Variants in GART observed in about 807,000 individuals in gnomAD.
GART encodes trifunctional purine biosynthetic protein adenosine-3.
In GART, 43 loss-of-function variants were observed where a neutral mutation model predicts 107.2. The ratio of observed to expected loss-of-function variants is 0.40; its 90% CI spans 0.31 to 0.52. GART has a LOEUF of 0.52. Ranked by LOEUF, GART falls within the 20% of genes least tolerant of loss-of-function variation. GART has a pLI of 0.52. For missense variants in GART, 1,107 were observed against 1,206.5 expected, an observed-to-expected ratio of 0.92 and a Z score of 1.22; for synonymous variants, 434 against 427.0, an observed-to-expected ratio of 1.02 and a Z score of -0.20.
At position 33,532,397 on chromosome 21, in the gene GART, A is replaced by G; in HGVS notation, c.476T>C (p.Ile159Thr). 2 of 1,614,142 alleles carry G rather than the reference A, an allele frequency of 1.2e-6. No individual in the cohort carries two copies. Among genetic ancestry groups the G allele is most frequent in the Non-Finnish European group, 1.7e-6 (2 of 1,180,030 alleles). The change falls in exon 5 of 22, where the codon ATT becomes ACT. Residue 159 changes from isoleucine to threonine, a missense_variant. Transcript: ENST00000381815. ...GGCCTCTTCTTTGCTCTTTGCAACA[A>G]TCACCCCTTTTCCAGCTGCAAGACC... Reference protein sequence around the residue: ...ASGLAAGKGVIVAKSKEEACK... With the variant: ...ASGLAAGKGVTVAKSKEEACK...
At chr21:33,516,020 G>C (rs916757678) in intron 16 of GART, among the ~76,000 whole-genome samples, 15 of 151,986 alleles carry the variant, frequency 9.9e-5, no homozygotes, top group African/African-American at 3.6e-4. Context: ...GGCTGAGGCG[G>C]GCGGATCACT....
chr21:33,515,710 G>C (rs968641884), intron 16 of GART, among the ~76,000 whole-genome samples: 1 of 151,200 alleles, frequency 6.6e-6, no homozygotes, highest in African/African-American at 2.4e-5. Context: ...CACAGGGAGG[G>C]AGGACTCTGT....
intron 1 of GART, among the ~76,000 whole-genome samples, chr21:33,541,329 T>C (rs2085417362): frequency 6.6e-6 from 1 of 152,166 alleles, no homozygotes; most frequent in African/African-American, 2.4e-5. Flanking sequence ...GTATTTTTAG[T>C]AGCGACGGGG....
intron 2 of GART, among the ~76,000 whole-genome samples, chr21:33,535,749 G>C (rs896815254): frequency 6.6e-6 from 1 of 152,104 alleles, no homozygotes; most frequent in Non-Finnish European, 1.5e-5. Flanking sequence ...TCAACACGGC[G>C]GGGCGCGGTG....
intron 2 of GART, among the ~76,000 whole-genome samples, chr21:33,536,582 T>C (rs2085309010): frequency 6.6e-6 from 1 of 152,178 alleles, no homozygotes; most frequent in South Asian, 2.1e-4. Context: ...CATAAACACC[T>C]ATGATAAAGT....
chr21:33,516,866 C>A (rs2084888359), intron 16 of GART, 123 bp downstream of exon 16: 6 of 807,808 alleles, frequency 7.4e-6, no homozygotes, highest in East Asian at 2.6e-5. Flanking sequence ...CCTCCCAAAA[C>A]CCCCAATGAT....
chr21:33,521,472 A>T (rs1361146975), intron 12 of GART, among the ~76,000 whole-genome samples: 4 of 151,932 alleles, frequency 2.6e-5, no homozygotes, highest in Admixed American at 2.6e-4. Context: ...TCTACTAAAA[A>T]TACAAAAAAA....
chr21:33,508,515 C>CTTTTT (rs764380446), intron 18 of GART, among the ~76,000 whole-genome samples: 17 of 109,834 alleles, frequency 1.5e-4, no homozygotes, highest in East Asian at 2.5e-4. Flanking sequence ...TTGTTTCCAT[C>CTTTTT]TTTTTTTTTT....
Position 33,517,379 on chromosome 21 carries a change from A to G in GART, c.1932T>C (p.Asp644=), listed in dbSNP as rs1460665397. 2 of 1,614,040 alleles carry G rather than the reference A, an allele frequency of 1.2e-6. No individual in the cohort carries two copies. The highest frequency in any genetic ancestry group is 1.7e-6 in the Non-Finnish European group (2 of 1,180,038). The change falls in exon 15 of 22, where the codon GAT becomes GAC. Residue 644 remains aspartate (D), a synonymous_variant. Transcript: ENST00000381815. ...SSLQYSSPAP[D]GCGDQTLGDL... is the part of the protein sequence containing the mutation. ...TACCTAAAGTCTGGTCACCACAACC[A>G]TCAGGTGCTGGAGAGGAGTACTGGA...
At chr21:33,534,972 T>C (rs1022463514) in intron 3 of GART, among the ~76,000 whole-genome samples, 1 of 152,214 alleles carries the variant, frequency 6.6e-6, no homozygotes, top group Non-Finnish European at 1.5e-5. Flanking sequence ...ATATATGGAT[T>C]ATTAAACACA....
At chr21:33,542,200 G>A (rs2085454011), upstream of GART, 1 of 152,180 alleles carries the variant, frequency 6.6e-6, no homozygotes, top group South Asian at 2.1e-4. Flanking sequence ...TGGTCCGCGC[G>A]GCCCTGGGTC....
rs1266483418 is a variant in GART, at chr21:33,530,844, G to A, written c.638C>T (p.Pro213Leu). 1 of 1,532,762 alleles carries A rather than the reference G, an allele frequency of 6.5e-7. No individual in the cohort carries two copies. The highest frequency in any genetic ancestry group is 8.7e-7 in the Non-Finnish European group (1 of 1,150,628). 94.9% of individuals were successfully genotyped at this position (1,532,762 alleles called of 1,614,324 possible). Residue 213 changes from proline to leucine, a missense_variant, in exon 7 of 22, where the codon CCC becomes CTC. Transcript: ENST00000381815. ...TAATCGCTTATGGTCCTGTGCTGGG[G>A]GCATGGGGGCCACAGTCTTGCCATC... ...FTDGKTVAPM[P>L]PAQDHKRLLE... is the part of the protein sequence containing the mutation.
intron 11 of GART, chr21:33,524,141 C>T: frequency 9.1e-6 from 9 of 985,248 alleles, no homozygotes; most frequent in Non-Finnish European, 1.1e-5. Flanking sequence ...TCAAACTTTA[C>T]AGTATAATCA....
chr21:33,533,873 C>T (rs2085247259), intron 4 of GART, among the ~76,000 whole-genome samples: 1 of 151,804 alleles, frequency 6.6e-6, no homozygotes. Flanking sequence ...CCACTGCACT[C>T]CAGCCTGGGT....
Position 33,516,972 on chromosome 21 carries a change from C to T in GART, c.2107+17G>A, listed in dbSNP as rs372490250. On this transcript the variant is annotated intron_variant, in intron 16 of 21. Transcript: ENST00000381815. ...CTCAGCAATTTTCTGAACAGAAGTT[C>T]GTTTTAGTGATCTTACCTAAATCTA... is the stretch of plus-strand genomic sequence containing the variant. 23 of 1,578,194 alleles carry T rather than the reference C, an allele frequency of 1.5e-5. No individual in the cohort carries two copies. The highest frequency in any genetic ancestry group is 2.0e-5 in the Admixed American group (1 of 49,872).
chr21:33,507,612 A>G (rs2145675505), intron 18 of GART, among the ~76,000 whole-genome samples: 1 of 152,280 alleles, frequency 6.6e-6, no homozygotes, highest in Non-Finnish European at 1.5e-5. Context: ...TACTGAGGTC[A>G]AGAGTTCAAG....
rs1347695248 is a variant in GART at position 33,516,223 on chromosome 21, G to GGGCTACA, written c.2107+759_2107+765dup. On this transcript the variant is annotated intron_variant, in intron 16 of 21. Transcript: ENST00000381815. Reference sequence around the variant, plus strand: ...AGATTGCGCCACTATACTCCAGCCTGGGCTACAGAGTGAGACTCTGTCTAA... The same window carrying GGGCTACA: ...AGATTGCGCCACTATACTCCAGCCTGGGCTACAGGCTACAGAGTGAGACTCTGTCTAA... Among the ~76,000 whole-genome samples, 11 of 142,664 alleles carry GGGCTACA rather than the reference G, an allele frequency of 7.7e-5. No individual in the cohort carries two copies. In the Admixed American group the frequency reaches 8.2e-4, roughly 11 times the overall value. 93.6% of individuals were successfully genotyped at this position (142,664 alleles called of 152,430 possible). A position where few individuals can be genotyped will look rare whatever the true frequency, so the allele number is the denominator to read the frequency against.
In GART at chr21:33,522,183, C is replaced by G; in HGVS notation, c.1393+5G>C. The stretch of plus-strand genomic sequence containing the variant: ...AATGAATTAGCAAAGTATAGGATCA[C>G]TGACCTGATCTGGAAGTGGCTTTTG... On this transcript the variant is annotated splice_donor_5th_base_variant and intron_variant, in intron 12 of 21. Transcript: ENST00000381815. 6.2e-7 allele frequency: 1 copy of G among 1,606,022 alleles called. No individual in the cohort carries two copies. The highest frequency in any genetic ancestry group is 8.5e-7 in the Non-Finnish European group (1 of 1,172,738).
chr21:33,532,263 T>C, intron 5 of GART, 82 bp downstream of exon 5: 3 of 944,076 alleles, frequency 3.2e-6, no homozygotes, highest in Non-Finnish European at 5.0e-6. Context: ...TTTTCCTTAT[T>C]GTGAGGAACA....
Sources: allele counts gnomAD v4.1 joint callset (sites outside exome capture counted in the v4.1 genomes callset), GRCh38; gene constraint gnomAD v4.1.1; transcripts MANE v1.5; gene names NCBI Gene and HGNC (gene_info 2026-07-23, HGNC 2026-07-21).